KAZN: variants seen among roughly 807,000 people sequenced by gnomAD.
KAZN encodes the protein kazrin, periplakin interacting protein, also known as kazrin.
Under a neutral mutation model 87.4 loss-of-function variants are expected in KAZN, and 40 were observed. The observed-to-expected ratio is 0.46, with a 90% CI of 0.36 to 0.60. KAZN has a LOEUF of 0.60. Among genes scored for constraint, KAZN ranks in the 20% least tolerant of loss-of-function variants. The pLI is 0.00. For missense variants in KAZN, 898 were observed against 1,073.9 expected, an observed-to-expected ratio of 0.84 and a Z score of 2.29; for synonymous variants, 466 against 458.3, an observed-to-expected ratio of 1.02 and a Z score of -0.22.
chr1:14,682,156 C>G (rs1640704316), intron 1 of KAZN, among the ~76,000 whole-genome samples: 1 of 152,126 alleles, frequency 6.6e-6, no homozygotes, highest in African/African-American at 2.4e-5. Flanking sequence ...CTGGCATCCA[C>G]CATTCTACTC....
At chr1:14,979,587 T>A (rs1278972232) in intron 2 of KAZN, among the ~76,000 whole-genome samples, 1 of 152,000 alleles carries the variant, frequency 6.6e-6, no homozygotes, top group African/African-American at 2.4e-5. Context: ...GACCACCACA[T>A]GCAAAGCCCA....
chr1:14,649,582 G>C (rs192885939), intron 1 of KAZN, among the ~76,000 whole-genome samples: 89 of 152,314 alleles, frequency 5.8e-4, no homozygotes, highest in African/African-American at 2.1e-3. Context: ...AGGTCTGAGG[G>C]TTTGCCTGCT....
chr1:13,893,619 G>T (rs1638920300), exon 1 of KAZN: 1 of 1,548,844 alleles, frequency 6.5e-7, no homozygotes, highest in Non-Finnish European at 8.7e-7. Flanking sequence ...ACACTCCAAG[G>T]GTCTGGACGC....
chr1:14,294,304 C>A (rs572181620), intron 2 of KAZN, among the ~76,000 whole-genome samples: 1 of 152,242 alleles, frequency 6.6e-6, no homozygotes, highest in Admixed American at 6.5e-5. Context: ...CCTGCTTTTC[C>A]CTACTCACCA....
chr1:14,442,460 C>T (rs1040758334), intron 2 of KAZN, among the ~76,000 whole-genome samples: 2 of 152,168 alleles, frequency 1.3e-5, no homozygotes, highest in Admixed American at 1.3e-4. Context: ...ATGAGATCGT[C>T]ACAGAGGACC....
chr1:13,994,871 TAAACAAACAAAC>T (rs3031975), intron 1 of KAZN, among the ~76,000 whole-genome samples: 18 of 150,654 alleles, frequency 1.2e-4, no homozygotes, highest in African/African-American at 4.2e-4. Context: ...TGCAGCATGC[TAAACAAACAAAC>T]AAACAAACAA....
chr1:13,915,896 T>C (rs1639833973), intron 1 of KAZN, among the ~76,000 whole-genome samples: 2 of 152,106 alleles, frequency 1.3e-5, no homozygotes, highest in Admixed American at 1.3e-4. Flanking sequence ...TAATTCTAGA[T>C]GGAAAACAAT....
chr1:14,673,971 G>A (rs1189503270), intron 1 of KAZN, among the ~76,000 whole-genome samples: 3 of 152,162 alleles, frequency 2.0e-5, no homozygotes, highest in Non-Finnish European at 2.9e-5. Flanking sequence ...GCCCAGGGAT[G>A]TGAGTTTTTA....
At chr1:14,783,759 A>C (rs911658440) in intron 1 of KAZN, among the ~76,000 whole-genome samples, 26 of 152,160 alleles carry the variant, frequency 1.7e-4, no homozygotes, top group African/African-American at 6.3e-4. Context: ...GTAGGCAGGC[A>C]CGGCAGAGGG....
chr1:14,592,514 G>T (rs189101732), intron 2 of KAZN, among the ~76,000 whole-genome samples: 1 of 152,188 alleles, frequency 6.6e-6, no homozygotes, highest in Non-Finnish European at 1.5e-5. Context: ...GTTGATCAGG[G>T]GTGGGGCCTG....
chr1:14,725,265 C>T (rs1643321715), intron 1 of KAZN, among the ~76,000 whole-genome samples: 1 of 152,220 alleles, frequency 6.6e-6, no homozygotes, highest in African/African-American at 2.4e-5. Flanking sequence ...TTCATCTACT[C>T]TTCATTGCGT....
chr1:15,034,184 C>G (rs985032865), intron 2 of KAZN, among the ~76,000 whole-genome samples: 1 of 152,194 alleles, frequency 6.6e-6, no homozygotes, highest in African/African-American at 2.4e-5. Context: ...TTGATGATAT[C>G]CTTTGAAACA....
chr1:14,615,303 C>A lies in KAZN; in HGVS notation c.226+16080C>A, dbSNP rs1488510299. ...TGGGATCCAGAGACCTGGGTTCTAGCCTCGAGCCTGCAACTAAGAGGCTAA... is the reference window on the plus strand; with the variant it reads ...TGGGATCCAGAGACCTGGGTTCTAGACTCGAGCCTGCAACTAAGAGGCTAA... On this transcript the variant is annotated intron_variant, in intron 1 of 14. Coordinates refer to ENST00000376030, the MANE Select transcript of KAZN (RefSeq NM_201628.3). Among the ~76,000 whole-genome samples, 7 of 152,288 alleles carry A rather than the reference C, an allele frequency of 4.6e-5. No homozygotes were observed. The South Asian group carries it at 8.3e-4, about 18-fold the overall frequency.
intron 1 of KAZN, among the ~76,000 whole-genome samples, chr1:14,088,953 TAA>T (rs1643912392): frequency 7.0e-6 from 1 of 142,820 alleles, no homozygotes. Flanking sequence ...ACCATCATTC[TAA>T]TTTTTTTTTT....
At position 14,598,982 on chromosome 1, in the gene KAZN, G is replaced by A. The variant is rs1676720538; in HGVS notation, c.-16G>A. ...CTCTTTGTCACCTCTCTCGCCCCCA[G>A]GCCAAAATCCTGAGCATGATGGAAG... On this transcript the variant is annotated 5_prime_UTR_variant, in exon 1 of 15. Coordinates refer to ENST00000376030, the MANE Select transcript of KAZN (RefSeq NM_201628.3). The surrounding 1 kb of genome is among the most constrained non-coding windows in gnomAD (Gnocchi z 4.2). The A allele has an allele frequency of 1.9e-6, 3 of 1,567,194 alleles. No homozygotes were observed. Among genetic ancestry groups the A allele is most frequent in the Non-Finnish European group, 1.7e-6 (2 of 1,160,322 alleles).
At chr1:14,321,436 C>G (rs1656045238) in intron 2 of KAZN, among the ~76,000 whole-genome samples, 1 of 152,114 alleles carries the variant, frequency 6.6e-6, no homozygotes, top group East Asian at 1.9e-4. Flanking sequence ...GAATAGCTCT[C>G]ACTTAAAGTA....
chr1:14,235,372 G>A (rs1648311447), intron 2 of KAZN, among the ~76,000 whole-genome samples: 2 of 152,138 alleles, frequency 1.3e-5, no homozygotes, highest in African/African-American at 4.8e-5. Flanking sequence ...ATAAAGCCAC[G>A]TATTATATGA....
chr1:14,468,305 TGGGAAAA>T (rs892399849), intron 2 of KAZN, among the ~76,000 whole-genome samples: 3 of 152,210 alleles, frequency 2.0e-5, no homozygotes, highest in African/African-American at 7.2e-5. Flanking sequence ...TCTTAGAGAC[TGGGAAAA>T]GGGAAAATGG....
At chr1:14,477,961 C>T (rs113167260) in intron 2 of KAZN, among the ~76,000 whole-genome samples, 3,924 of 152,272 alleles carry the variant, frequency 0.026, 62 homozygotes, top group Non-Finnish European at 0.032. Context: ...TGCCAAGCAA[C>T]GCCTCTGCTG....
Sources: gnomAD v4.1 joint callset for allele counts (sites outside exome capture counted in the v4.1 genomes callset) on GRCh38, gnomAD v4.1.1 for gene constraint, Gnocchi (gnomAD v3.1) non-coding constraint, MANE v1.5 for transcripts, NCBI Gene and HGNC (gene_info 2026-07-23, HGNC 2026-07-21) for gene names.